The following ENTPD8 variants were observed in gnomAD, a reference collection of about 807,000 sequenced individuals.
ENTPD8 encodes the protein E-NTPDase 8.
A neutral mutation model predicts 47.0 loss-of-function variants in ENTPD8; 35 were observed. The ratio of observed to expected loss-of-function variants is 0.75; its 90% CI spans 0.57 to 0.99. ENTPD8 has a LOEUF of 0.99. Among genes scored for constraint, ENTPD8 ranks in the 50% least tolerant of loss-of-function variants. The pLI is 0.00. For synonymous variants in ENTPD8, 308 were observed against 290.5 expected (o/e 1.06, Z -0.61); for missense variants, 668 against 649.9 (o/e 1.03, Z -0.30).
Position 137,436,932 on chromosome 9 carries a change from G to C in ENTPD8, c.492C>G (p.Ala164=). ...AACCAAAGGCACCTTCGGCCTGCCC[G>C]GCCAGGAGCTCGGCACCCCAAAAGT... ...PVDFWGAELL[A]GQAEGAFGWI... Residue 164 remains alanine (A), a synonymous_variant, in exon 5 of 10, where the codon GCC becomes GCG. Coordinates refer to ENST00000371506, the MANE Select transcript of ENTPD8 (RefSeq NM_001033113.2). 6.2e-7 allele frequency: 1 copy of C among 1,613,062 alleles called. No homozygotes were observed. The highest frequency in any genetic ancestry group is 8.5e-7 in the Non-Finnish European group (1 of 1,179,964).
rs1256762617 is a variant in ENTPD8 at position 137,438,514 on chromosome 9, G to A, written c.-20-209C>T. 4.0e-5 allele frequency among the ~76,000 whole-genome samples: 6 copies of A among 151,416 alleles called. No homozygotes were observed. Among genetic ancestry groups the A allele is most frequent in the South Asian group, 2.1e-4 (1 of 4,804 alleles). On this transcript the variant is annotated intron_variant, in intron 1 of 9. Transcript: ENST00000371506. This position sits in a 1 kb window ranked among gnomAD's most constrained non-coding sequence, Gnocchi z 5.7. ...CTCCCGTGGCCTTAGAGGCATCTCC[G>A]GGGCTCAGGCGGCCTCCCGTGGCCA...
rs758525518 is a variant in ENTPD8 at position 137,437,934 on chromosome 9, T to C, written c.244+33A>G. 9 of 1,570,586 alleles carry C rather than the reference T, an allele frequency of 5.7e-6. No homozygotes were observed. In the East Asian group the frequency reaches 2.0e-4, roughly 35 times the overall value. On this transcript the variant is annotated intron_variant, in intron 3 of 9. Transcript: ENST00000371506. ...TCCCAGCCAGGCAGCAACAGGCAGG[T>C]CCCAGCACCGGGCTGCAGAACAGCC...
chr9:137,434,540 C>A lies in ENTPD8; in HGVS notation c.*374G>T. ...TGGGGCAGCTCCCTCCCTTCCACCCCTCTCCGCCCCTCCTGAGGCCCCATC... is the reference window on the plus strand; with the variant it reads ...TGGGGCAGCTCCCTCCCTTCCACCCATCTCCGCCCCTCCTGAGGCCCCATC... On this transcript the variant is annotated 3_prime_UTR_variant, in exon 10 of 10. Coordinates refer to ENST00000371506, the MANE Select transcript of ENTPD8 (RefSeq NM_001033113.2). 1.4e-6 allele frequency: 1 copy of A among 690,470 alleles called. No homozygotes were observed. The highest frequency in any genetic ancestry group is 3.1e-5 in the Admixed American group (1 of 32,126). 42.8% of individuals were successfully genotyped at this position (690,470 alleles called of 1,614,324 possible). A position where few individuals can be genotyped will look rare whatever the true frequency, so the allele number is the denominator to read the frequency against.
Position 137,434,543 on chromosome 9 carries a change from T to TC in ENTPD8, c.*370dup. The TC allele has an allele frequency of 1.5e-6, 1 of 682,966 alleles. No homozygotes were observed. The highest frequency in any genetic ancestry group is 2.4e-6 in the Non-Finnish European group (1 of 418,544). 42.3% of individuals were successfully genotyped at this position (682,966 alleles called of 1,614,324 possible). On this transcript the variant is annotated 3_prime_UTR_variant, in exon 10 of 10. Coordinates refer to ENST00000371506, the MANE Select transcript of ENTPD8 (RefSeq NM_001033113.2). Reference sequence around the variant, plus strand: ...GGCAGCTCCCTCCCTTCCACCCCTCTCCGCCCCTCCTGAGGCCCCATCAGG... The same window carrying TC: ...GGCAGCTCCCTCCCTTCCACCCCTCTCCCGCCCCTCCTGAGGCCCCATCAGG...
rs750128501 is a variant in ENTPD8 at position 137,436,289 on chromosome 9, G to A, written c.787-13C>T. ...CAGCCGGGCGGCTCTGCAGAGGGCA[G>A]GGAGGCCTGAGCACCAGCCGCACAC... On this transcript the variant is annotated splice_polypyrimidine_tract_variant and intron_variant, in intron 6 of 9. Coordinates refer to ENST00000371506, the MANE Select transcript of ENTPD8 (RefSeq NM_001033113.2). 7 of 1,561,546 alleles carry A rather than the reference G, an allele frequency of 4.5e-6. No individual in the cohort carries two copies. In the South Asian group the frequency reaches 4.8e-5, roughly 11 times the overall value.
intron 1 of ENTPD8, among the ~76,000 whole-genome samples, chr9:137,440,209 GCC>G (rs1309237315): frequency 1.5e-5 from 1 of 67,128 alleles, no homozygotes; most frequent in African/African-American, 6.1e-5. Flanking sequence ...GACCAGGACA[GCC>G]CCCCCAGACC....
At chr9:137,435,157 G>A (rs1242922788) in intron 9 of ENTPD8, 47 bp downstream of exon 9, 8 of 1,602,126 alleles carry the variant, frequency 5.0e-6, no homozygotes, top group East Asian at 2.2e-5. Context: ...CCAGGACCAC[G>A]ACCTGCCCAC....
In ENTPD8 at chr9:137,434,831, A is replaced by G; in HGVS notation, c.*83T>C. ...GGGCAGAGCCACAGAGCAAGGCCCCACGGCGCTCAGGGCTCAGGAAGCCTC... is the reference window on the plus strand; with the variant it reads ...GGGCAGAGCCACAGAGCAAGGCCCCGCGGCGCTCAGGGCTCAGGAAGCCTC... On this transcript the variant is annotated 3_prime_UTR_variant, in exon 10 of 10. Coordinates refer to ENST00000371506, the MANE Select transcript of ENTPD8 (RefSeq NM_001033113.2). 2.1e-6 allele frequency: 3 copies of G among 1,450,208 alleles called. No individual in the cohort carries two copies. The highest frequency in any genetic ancestry group is 1.4e-5 in the South Asian group (1 of 71,374). 89.8% of individuals were successfully genotyped at this position (1,450,208 alleles called of 1,614,324 possible).
rs771382589 is a variant in ENTPD8 at position 137,437,195 on chromosome 9, G to A, written c.359C>T (p.Thr120Met). ...CATGCCAGCCGTGGCCCCCAGGAAC[G>A]TGGGTGTTTTCCGATGCTGGGCCTC... ...IPEAQHRKTP[T>M]FLGATAGMRL... Residue 120 changes from threonine (T) to methionine (M), a missense_variant, in exon 4 of 10, where the codon ACG becomes ATG. Transcript: ENST00000371506. 20 of 1,612,890 alleles carry A rather than the reference G, an allele frequency of 1.2e-5. No individual in the cohort carries two copies. The East Asian group carries it at 1.6e-4, about 13-fold the overall frequency.
In ENTPD8 at chr9:137,441,337, C is replaced by T; in HGVS notation, c.-72G>A. ...CGGCAAGGAGGAAGCTGTGCTTAGA[C>T]GCTTCTGTGTCCGCGCACCTGGCGT... On this transcript the variant is annotated 5_prime_UTR_variant, in exon 1 of 10. Transcript: ENST00000371506. 4.1e-6 allele frequency: 1 copy of T among 243,424 alleles called. No individual in the cohort carries two copies. The highest frequency in any genetic ancestry group is 8.6e-6 in the Non-Finnish European group (1 of 116,584). 15.1% of individuals were successfully genotyped at this position (243,424 alleles called of 1,614,324 possible). A position where few individuals can be genotyped will look rare whatever the true frequency, so the allele number is the denominator to read the frequency against.
chr9:137,435,880 G>T, intron 7 of ENTPD8, 51 bp from the exon 8 acceptor site: 1 of 1,606,260 alleles, frequency 6.2e-7, no homozygotes, highest in Non-Finnish European at 8.5e-7. Flanking sequence ...CGCTGGGCCA[G>T]ATCCACCCCA....
rs201060426 is a variant in ENTPD8 at position 137,434,905 on chromosome 9, G to A, written c.*9C>T. On this transcript the variant is annotated 3_prime_UTR_variant, in exon 10 of 10. Transcript: ENST00000371506. ...GTGGGCTCTGTGGGGGCCCACCTCCGCCTTCCCACTAGTCCTGCAACCAGA... is the reference window on the plus strand; with the variant it reads ...GTGGGCTCTGTGGGGGCCCACCTCCACCTTCCCACTAGTCCTGCAACCAGA... The A allele has an allele frequency of 1.4e-4, 226 of 1,601,544 alleles. 2 individuals carry two copies. The East Asian group carries it at 2.4e-3, about 17-fold the overall frequency.
Position 137,434,874 on chromosome 9 carries a change from C to A in ENTPD8, c.*40G>T. On this transcript the variant is annotated 3_prime_UTR_variant, in exon 10 of 10. Transcript: ENST00000371506. ...GAAGCCTCCAGCATCCGGGACGCAG[C>A]TGCCTGTGGGCTCTGTGGGGGCCCA... 6.5e-7 allele frequency: 1 copy of A among 1,548,644 alleles called. No homozygotes were observed. Among genetic ancestry groups the A allele is most frequent in the South Asian group, 1.2e-5 (1 of 82,268 alleles).
At chr9:137,440,067 C>T (rs1165997862) in intron 1 of ENTPD8, among the ~76,000 whole-genome samples, 2 of 37,520 alleles carry the variant, frequency 5.3e-5, no homozygotes, top group African/African-American at 2.5e-4. Context: ...AGAACAGTCC[C>T]CCAGACCAGG....
At chr9:137,439,301 G>A (rs971519722) in intron 1 of ENTPD8, among the ~76,000 whole-genome samples, 17 of 152,136 alleles carry the variant, frequency 1.1e-4, no homozygotes, top group African/African-American at 3.9e-4. Flanking sequence ...AAGGGTCTCA[G>A]CTCTCAAACT....
chr9:137,436,841 G>GCC, intron 5 of ENTPD8, 28 bp downstream of exon 5: 1 of 1,608,992 alleles, frequency 6.2e-7, no homozygotes, highest in Non-Finnish European at 8.5e-7. Flanking sequence ...TCGCAGACCA[G>GCC]CCCCCGCCCT....
At position 137,435,955 on chromosome 9, in the gene ENTPD8, G is replaced by C. The variant is rs201074611; in HGVS notation, c.1050+58C>G. On this transcript the variant is annotated intron_variant, in intron 7 of 9. Transcript: ENST00000371506. ...TCCTGGGCCTGCTGGAGTCAGACAG[G>C]CACCTGAGGCCTCACAAGGAAGCCC... 3.3e-4 allele frequency: 522 copies of C among 1,604,054 alleles called. 3 individuals carry two copies. In the African/African-American group the frequency reaches 6.3e-3, roughly 19 times the overall value.
In ENTPD8 at chr9:137,438,743, G is replaced by C. The variant is rs1839438751; in HGVS notation, c.-20-438C>G. Among the ~76,000 whole-genome samples the C allele has an allele frequency of 6.6e-6, 1 of 152,126 alleles. No homozygotes were observed. Among genetic ancestry groups the C allele is most frequent in the South Asian group, 2.1e-4 (1 of 4,834 alleles). Reference sequence around the variant, plus strand: ...CCTGCCAGGGGTGCCATGGGCATCAGAGGGCCCTGTGGGAGGGGGGCGGGG... The same window carrying C: ...CCTGCCAGGGGTGCCATGGGCATCACAGGGCCCTGTGGGAGGGGGGCGGGG... On this transcript the variant is annotated intron_variant, in intron 1 of 9. Coordinates refer to ENST00000371506, the MANE Select transcript of ENTPD8 (RefSeq NM_001033113.2). This position sits in a 1 kb window ranked among gnomAD's most constrained non-coding sequence, Gnocchi z 5.7.
In ENTPD8 at chr9:137,434,396, C is replaced by T. The variant is rs1464781603; in HGVS notation, c.*518G>A. ...TCCATGATGCTTTTAATAAAAACAA[C>T]CCCCACTGCAGTCTCACCCTCCAAG... On this transcript the variant is annotated 3_prime_UTR_variant, in exon 10 of 10. Coordinates refer to ENST00000371506, the MANE Select transcript of ENTPD8 (RefSeq NM_001033113.2). 9.1e-6 allele frequency: 14 copies of T among 1,536,124 alleles called. No homozygotes were observed. Among genetic ancestry groups the T allele is most frequent in the Admixed American group, 1.9e-5 (1 of 53,120 alleles).
Sources: gnomAD v4.1 joint callset for allele counts (sites outside exome capture counted in the v4.1 genomes callset) on GRCh38, gnomAD v4.1.1 for gene constraint, Gnocchi (gnomAD v3.1) non-coding constraint, MANE v1.5 for transcripts, NCBI Gene and HGNC (gene_info 2026-07-23, HGNC 2026-07-21) for gene names.